MAPK6: variants seen among roughly 807,000 people sequenced by gnomAD.
MAPK6 encodes mitogen-activated protein kinase 6.
Under a neutral mutation model 59.3 loss-of-function variants are expected in MAPK6, and 19 were observed. That is an observed-to-expected ratio of 0.32 (90% confidence interval 0.22 to 0.47). MAPK6 has a LOEUF of 0.47. Ranked by LOEUF, MAPK6 falls within the 20% of genes least tolerant of loss-of-function variation. The pLI is 1.00. For synonymous variants in MAPK6, 316 were observed against 290.3 expected, an observed-to-expected ratio of 1.09 and a Z score of -0.90; for missense variants, 724 against 847.9, an observed-to-expected ratio of 0.85 and a Z score of 1.81.
chr15:52,044,612 C>T (rs2031540759), intron 1 of MAPK6, among the ~76,000 whole-genome samples: 1 of 151,650 alleles, frequency 6.6e-6, no homozygotes, highest in Admixed American at 6.6e-5. Flanking sequence ...GCAATTAGGC[C>T]ATTAAGAAAC....
intron 3 of MAPK6, among the ~76,000 whole-genome samples, chr15:52,050,613 CTT>C (rs901501233): frequency 6.6e-6 from 1 of 152,130 alleles, no homozygotes; most frequent in Non-Finnish European, 1.5e-5. Flanking sequence ...TGAAAAATGT[CTT>C]GTGTCATAAA....
At chr15:52,040,768 G>A (rs1746643711) in intron 1 of MAPK6, among the ~76,000 whole-genome samples, 1 of 152,152 alleles carries the variant, frequency 6.6e-6, no homozygotes, top group Admixed American at 6.5e-5. Context: ...GACAGTTGTG[G>A]CTAATGCAGT....
chr15:52,046,712 T>A lies in MAPK6; in HGVS notation c.252T>A (p.Leu84=). The A allele has an allele frequency of 6.2e-7, 1 of 1,614,218 alleles. No homozygotes were observed. Among genetic ancestry groups the A allele is most frequent in the Non-Finnish European group, 8.5e-7 (1 of 1,180,028 alleles). Reference sequence around the variant, plus strand: ...ACATTGTGAAAGTGTTTGAGATTCTTGGTCCCAGTGGAAGCCAATTAACAG... The same window carrying A: ...ACATTGTGAAAGTGTTTGAGATTCTAGGTCCCAGTGGAAGCCAATTAACAG... ...HDNIVKVFEI[L]GPSGSQLTDD... The change falls in exon 2 of 6, where the codon CTT becomes CTA. Residue 84 remains leucine, a synonymous_variant. Coordinates refer to ENST00000261845, the MANE Select transcript of MAPK6 (RefSeq NM_002748.4).
chr15:52,050,996 G>T (rs1242606173), intron 3 of MAPK6, among the ~76,000 whole-genome samples: 1 of 152,086 alleles, frequency 6.6e-6, no homozygotes, highest in East Asian at 1.9e-4. Flanking sequence ...TTTAGTTGGG[G>T]AAGTGGTGTG....
At chr15:52,053,309 G>A (rs8036048) in intron 3 of MAPK6, among the ~76,000 whole-genome samples, 3 of 151,806 alleles carry the variant, frequency 2.0e-5, no homozygotes, top group Non-Finnish European at 4.4e-5. Context: ...CTCCTAACCT[G>A]AAGTGATCTG....
chr15:52,053,507 A>T (rs1254909764), intron 3 of MAPK6, among the ~76,000 whole-genome samples: 1 of 152,214 alleles, frequency 6.6e-6, no homozygotes, highest in Non-Finnish European at 1.5e-5. Flanking sequence ...CATAATTCTG[A>T]ATACAAATAT....
At chr15:52,034,544 A>G (rs1181581797) in intron 1 of MAPK6, among the ~76,000 whole-genome samples, 1 of 151,766 alleles carries the variant, frequency 6.6e-6, no homozygotes, top group Non-Finnish European at 1.5e-5. Flanking sequence ...TCTTGAGCTC[A>G]GGCTGCCTGC....
chr15:52,023,141 CA>C (rs1190223324), intron 1 of MAPK6, among the ~76,000 whole-genome samples: 3 of 123,372 alleles, frequency 2.4e-5, no homozygotes, highest in African/African-American at 8.6e-5. Flanking sequence ...GAAAAACAAA[CA>C]AAATAACTGG....
intron 3 of MAPK6, chr15:52,010,939 A>G (rs891928504): frequency 6.6e-6 from 1 of 152,204 alleles, no homozygotes; most frequent in Admixed American, 6.5e-5. Flanking sequence ...CTTTATGTAC[A>G]GGTTTGATGG....
intron 4 of MAPK6, among the ~76,000 whole-genome samples, chr15:52,060,660 C>T (rs936121850): frequency 2.6e-5 from 4 of 152,130 alleles, no homozygotes; most frequent in Non-Finnish European, 5.9e-5. Flanking sequence ...GGAAGGCCTA[C>T]TAGACTATTT....
chr15:52,023,127 A>AAC (rs1555397234), intron 1 of MAPK6, among the ~76,000 whole-genome samples: 3 of 150,322 alleles, frequency 2.0e-5, no homozygotes, highest in Non-Finnish European at 3.0e-5. Flanking sequence ...AAAAAAAAAA[A>AAC]ACCGAAAAAC....
At chr15:51,976,522 G>A (rs2057157943) in intron 1 of MAPK6, among the ~76,000 whole-genome samples, 1 of 151,084 alleles carries the variant, frequency 6.6e-6, no homozygotes, top group African/African-American at 2.4e-5. Context: ...CAGAACACTG[G>A]GGATTAAAAA....
At chr15:52,060,663 GA>G (rs1298693855) in intron 4 of MAPK6, among the ~76,000 whole-genome samples, 1 of 152,162 alleles carries the variant, frequency 6.6e-6, no homozygotes, top group Non-Finnish European at 1.5e-5. Flanking sequence ...AGGCCTACTA[GA>G]CTATTTTATG....
intron 1 of MAPK6, among the ~76,000 whole-genome samples, chr15:51,980,000 T>G (rs1315920011): frequency 6.6e-6 from 1 of 151,350 alleles, no homozygotes; most frequent in East Asian, 1.9e-4. Context: ...AAAATTAAAA[T>G]TAGAAGTAGA....
intron 2 of MAPK6, among the ~76,000 whole-genome samples, chr15:51,994,839 A>G (rs117852302): frequency 6.6e-6 from 1 of 152,372 alleles, no homozygotes; most frequent in Non-Finnish European, 1.5e-5. Context: ...AAGACATTCT[A>G]TAAAAATAAA....
In MAPK6 at chr15:52,065,766, C is replaced by G. The variant is rs1223350695; in HGVS notation, c.*766C>G. The G allele has an allele frequency of 6.6e-6, 1 of 152,498 alleles. No homozygotes were observed. Among genetic ancestry groups the G allele is most frequent in the East Asian group, 1.9e-4 (1 of 5,188 alleles). 9.4% of individuals were successfully genotyped at this position (152,498 alleles called of 1,614,324 possible). ...TATACTTTACTTTTTCCATTTGGCACTATGGTTTGTTGCCTACCTAGCTGC... is the reference window on the plus strand; with the variant it reads ...TATACTTTACTTTTTCCATTTGGCAGTATGGTTTGTTGCCTACCTAGCTGC... On this transcript the variant is annotated 3_prime_UTR_variant, in exon 6 of 6. Transcript: ENST00000261845.
chr15:52,056,207 CTGTCCCAGGTTAACACT>C (rs1806933657), intron 3 of MAPK6, among the ~76,000 whole-genome samples: 1 of 152,230 alleles, frequency 6.6e-6, no homozygotes, highest in African/African-American at 2.4e-5. Context: ...ATAGGTGTTC[CTGTCCCAGGTTAACACT>C]TGTACTTGGG....
At chr15:52,016,068 G>GCGCGCGCGCGCGCA (rs2030245584), upstream of MAPK6, among the ~76,000 whole-genome samples, 3 of 35,610 alleles carry the variant, frequency 8.4e-5, no homozygotes, top group Non-Finnish European at 1.3e-4. Flanking sequence ...GCGCGCGCGC[G>GCGCGCGCGCGCGCA]CGCACACACA....
intron 1 of MAPK6, among the ~76,000 whole-genome samples, chr15:51,983,025 CAT>C (rs1235457167): frequency 2.0e-5 from 3 of 152,140 alleles, no homozygotes; most frequent in African/African-American, 7.2e-5. Context: ...TGCAAACACA[CAT>C]GTACACACTT....
Sources: allele counts gnomAD v4.1 joint callset (sites outside exome capture counted in the v4.1 genomes callset), GRCh38; gene constraint gnomAD v4.1.1; transcripts MANE v1.5; gene names NCBI Gene and HGNC (gene_info 2026-07-23, HGNC 2026-07-21).